LRRC1: variants seen among roughly 807,000 people sequenced by gnomAD.
LRRC1 encodes the protein leucine-rich repeat-containing protein 1.
LRRC1 carries 28 observed loss-of-function variants against 69.9 expected under a neutral mutation model. The ratio of observed to expected loss-of-function variants is 0.40; its 90% CI spans 0.30 to 0.55. LRRC1 has a LOEUF of 0.55. Ranked by LOEUF, LRRC1 falls within the 20% of genes least tolerant of loss-of-function variation. The pLI is 0.47. For missense variants in LRRC1, 498 were observed against 609.0 expected (o/e 0.82, Z 1.92); for synonymous variants, 236 against 240.2 (o/e 0.98, Z 0.16).
At chr6:53,876,227 CTA>C in intron 2 of LRRC1, among the ~76,000 whole-genome samples, 1 of 152,248 alleles carries the variant, frequency 6.6e-6, no homozygotes, top group South Asian at 2.1e-4. Flanking sequence ...CTTATAATAA[CTA>C]TCAGATCTTG....
At chr6:53,857,689 C>T (rs1766356737) in intron 2 of LRRC1, among the ~76,000 whole-genome samples, 1 of 152,182 alleles carries the variant, frequency 6.6e-6, no homozygotes, top group South Asian at 2.1e-4. Context: ...GAAAAGTTTC[C>T]GTTGGATCTG....
intron 2 of LRRC1, among the ~76,000 whole-genome samples, chr6:53,874,773 T>C (rs923085833): frequency 2.9e-4 from 44 of 152,320 alleles, no homozygotes; most frequent in African/African-American, 1.0e-3. Flanking sequence ...CCATTCTCAA[T>C]GTTAATATGT....
chr6:53,894,341 C>A (rs1173688021), intron 4 of LRRC1, among the ~76,000 whole-genome samples: 1 of 152,204 alleles, frequency 6.6e-6, no homozygotes, highest in Non-Finnish European at 1.5e-5. Context: ...CTGGTTTCTC[C>A]CCCTTGGCTC....
At chr6:53,843,230 T>C (rs1191501577) in intron 2 of LRRC1, among the ~76,000 whole-genome samples, 3 of 152,218 alleles carry the variant, frequency 2.0e-5, no homozygotes, top group African/African-American at 4.8e-5. Context: ...GTTTTGCTTC[T>C]GTTTTCCTAC....
At chr6:53,827,476 G>A (rs1765306104) in intron 1 of LRRC1, among the ~76,000 whole-genome samples, 1 of 152,146 alleles carries the variant, frequency 6.6e-6, no homozygotes, top group Admixed American at 6.5e-5. Context: ...AGGAGCAGAG[G>A]CAAAATGCGT....
chr6:53,814,488 A>G (rs530748793), intron 1 of LRRC1, among the ~76,000 whole-genome samples: 1 of 152,338 alleles, frequency 6.6e-6, no homozygotes, highest in East Asian at 1.9e-4. Flanking sequence ...GTTGAGGCAG[A>G]CTAAGAACTA....
At chr6:53,812,486 C>A (rs950687622) in intron 1 of LRRC1, among the ~76,000 whole-genome samples, 2 of 150,024 alleles carry the variant, frequency 1.3e-5, no homozygotes, top group Admixed American at 6.6e-5. Context: ...GTCAGGAGAT[C>A]GAGACCATCC....
chr6:53,799,826 A>G (rs1170725531), intron 1 of LRRC1, among the ~76,000 whole-genome samples: 1 of 152,086 alleles, frequency 6.6e-6, no homozygotes, highest in Admixed American at 6.5e-5. Flanking sequence ...TTCCATCTCA[A>G]AGGTCCAAGG....
intron 2 of LRRC1, among the ~76,000 whole-genome samples, chr6:53,860,689 A>G (rs1380996123): frequency 6.6e-6 from 1 of 152,168 alleles, no homozygotes; most frequent in African/African-American, 2.4e-5. Flanking sequence ...CCCATCCGCA[A>G]CTAAACAAAA....
intron 1 of LRRC1, among the ~76,000 whole-genome samples, chr6:53,813,451 T>C (rs544080751): frequency 6.3e-4 from 96 of 151,246 alleles, no homozygotes; most frequent in African/African-American, 2.0e-3. Flanking sequence ...AACCAGAGAG[T>C]GCATGCCCCC....
intron 1 of LRRC1, among the ~76,000 whole-genome samples, chr6:53,834,271 A>C (rs1437918871): frequency 6.6e-6 from 1 of 151,192 alleles, no homozygotes; most frequent in Non-Finnish European, 1.5e-5. Context: ...TTGCATGTCT[A>C]CTCTCTCTGT....
chr6:53,889,300 G>A (rs1036370700), intron 4 of LRRC1, among the ~76,000 whole-genome samples: 3 of 152,048 alleles, frequency 2.0e-5, no homozygotes, highest in African/African-American at 7.2e-5. Context: ...AGTTTGGGGA[G>A]GTCCTCCTTA....
At chr6:53,797,610 A>G (rs1380936345) in intron 1 of LRRC1, among the ~76,000 whole-genome samples, 2 of 152,088 alleles carry the variant, frequency 1.3e-5, no homozygotes, top group Non-Finnish European at 2.9e-5. Flanking sequence ...AAAGGTCCTT[A>G]TTTTGGTGGC....
chr6:53,847,008 A>G lies in LRRC1; in HGVS notation c.277+4781A>G, dbSNP rs543319304. On this transcript the variant is annotated intron_variant, in intron 2 of 13. Transcript: ENST00000370888. ...TTGACTTACATCACAGTACTATGTC[A>G]TTATCCATTTAGTTCAGTTTTCCCC... Among the ~76,000 whole-genome samples the G allele has an allele frequency of 2.6e-5, 4 of 152,346 alleles. No individual in the cohort carries two copies. The South Asian group carries it at 8.3e-4, about 32-fold the overall frequency.
rs147609992 is a variant in LRRC1, at chr6:53,795,665, C to G, written c.159+250C>G. The stretch of plus-strand genomic sequence containing the variant: ...ACTGGGGCTCGTGCTATTGGAGAAG[C>G]GTTCTGGACTGTTAAGTAACTTAGA... On this transcript the variant is annotated intron_variant, in intron 1 of 13. Coordinates refer to ENST00000370888, the MANE Select transcript of LRRC1 (RefSeq NM_018214.5). Among the ~76,000 whole-genome samples, 24 of 152,298 alleles carry G rather than the reference C, an allele frequency of 1.6e-4. No individual in the cohort carries two copies. The East Asian group carries it at 1.9e-3, about 12-fold the overall frequency.
At chr6:53,800,722 C>T (rs1214219679) in intron 1 of LRRC1, among the ~76,000 whole-genome samples, 1 of 151,892 alleles carries the variant, frequency 6.6e-6, no homozygotes, top group Non-Finnish European at 1.5e-5. Flanking sequence ...TCACTGCAAC[C>T]TCTACCTCCT....
chr6:53,803,183 CTT>C (rs1018823799), intron 1 of LRRC1, among the ~76,000 whole-genome samples: 1 of 152,176 alleles, frequency 6.6e-6, no homozygotes, highest in Non-Finnish European at 1.5e-5. Flanking sequence ...GTAAGCCACT[CTT>C]GAGATTTACA....
intron 10 of LRRC1, among the ~76,000 whole-genome samples, chr6:53,908,847 C>T (rs1401188861): frequency 6.6e-6 from 1 of 152,144 alleles, no homozygotes; most frequent in Non-Finnish European, 1.5e-5. Context: ...AAGTGATTCA[C>T]ACAAGAACAA....
chr6:53,838,352 A>G (rs773952744), intron 1 of LRRC1, among the ~76,000 whole-genome samples: 7 of 152,234 alleles, frequency 4.6e-5, no homozygotes, highest in South Asian at 2.1e-4. Context: ...GGTAACATGC[A>G]GAACCAAACC....
Sources: allele counts gnomAD v4.1 joint callset (sites outside exome capture counted in the v4.1 genomes callset), GRCh38; gene constraint gnomAD v4.1.1; transcripts MANE v1.5; gene names NCBI Gene and HGNC (gene_info 2026-07-23, HGNC 2026-07-21).